The following CFAP61 variants were observed in gnomAD, a reference collection of about 807,000 sequenced individuals.
The protein encoded by CFAP61 is cilia and flagella associated protein 61, also known as cilia- and flagella-associated protein 61.
In CFAP61, 107 loss-of-function variants were observed where a neutral mutation model predicts 135.6. The observed-to-expected ratio is 0.79, with a 90% CI of 0.67 to 0.93. CFAP61 has a LOEUF of 0.93. Among genes scored for constraint, CFAP61 ranks in the 40% least tolerant of loss-of-function variants. The pLI is 0.00. For missense variants in CFAP61, 1,507 were observed against 1,556.2 expected, an observed-to-expected ratio of 0.97 and a Z score of 0.53; for synonymous variants, 575 against 578.5, an observed-to-expected ratio of 0.99 and a Z score of 0.09.
At chr20:20,160,144 T>C (rs2053275694) in intron 10 of CFAP61, among the ~76,000 whole-genome samples, 1 of 152,204 alleles carries the variant, frequency 6.6e-6, no homozygotes, top group Admixed American at 6.5e-5. Flanking sequence ...TTGTAGGCTT[T>C]TGAGTGGGAG....
At chr20:20,261,576 T>C (rs1339969342) in intron 20 of CFAP61, among the ~76,000 whole-genome samples, 1 of 152,190 alleles carries the variant, frequency 6.6e-6, no homozygotes, top group African/African-American at 2.4e-5. Flanking sequence ...AGGGACCAAG[T>C]GGTGGCCCAT....
At chr20:20,257,800 C>T (rs2051764542) in intron 20 of CFAP61, among the ~76,000 whole-genome samples, 1 of 151,798 alleles carries the variant, frequency 6.6e-6, no homozygotes, top group African/African-American at 2.4e-5. Flanking sequence ...CTAATAAAGA[C>T]CAAGAAGTTG....
intron 26 of CFAP61, among the ~76,000 whole-genome samples, chr20:20,353,008 CACTA>C (rs547660217): frequency 2.3e-4 from 35 of 152,264 alleles, no homozygotes; most frequent in African/African-American, 6.3e-4. Context: ...CTCACTAACT[CACTA>C]ACTAACAGGA....
At chr20:20,281,012 C>A (rs1200843772) in intron 22 of CFAP61, among the ~76,000 whole-genome samples, 1 of 151,968 alleles carries the variant, frequency 6.6e-6, no homozygotes, top group Admixed American at 6.6e-5. Flanking sequence ...TAGTATTTCT[C>A]CTTTTTGTGA....
At chr20:20,212,778 G>C (rs1186340779) in intron 17 of CFAP61, among the ~76,000 whole-genome samples, 1 of 152,192 alleles carries the variant, frequency 6.6e-6, no homozygotes, top group Non-Finnish European at 1.5e-5. Flanking sequence ...TCGCTGGTTA[G>C]GAGGCTTGGT....
intron 2 of CFAP61, among the ~76,000 whole-genome samples, chr20:20,057,918 A>G (rs906866157): frequency 1.3e-5 from 2 of 152,020 alleles, no homozygotes; most frequent in Non-Finnish European, 2.9e-5. Flanking sequence ...AGTAGAGACT[A>G]GGTTTCATCA....
At chr20:20,107,407 C>T (rs1464772844) in intron 8 of CFAP61, among the ~76,000 whole-genome samples, 1 of 152,108 alleles carries the variant, frequency 6.6e-6, no homozygotes, top group Non-Finnish European at 1.5e-5. Context: ...ATCTTGGAAG[C>T]ATCTTTGACA....
Position 20,188,010 on chromosome 20 carries a change from G to A in CFAP61, c.1466G>A (p.Ser489Asn). ...NLVSTLMLNK[S>N]ILEDLDRYNK... ...GTCAGCACCCTCATGTTGAATAAAA[G>A]CATATTGGAGGACTTAGACCGTTAC... The change falls in exon 14 of 27, where the codon AGC becomes AAC. Residue 489 changes from serine to asparagine, a missense_variant. Coordinates refer to ENST00000245957, the MANE Select transcript of CFAP61 (RefSeq NM_015585.4). The A allele has an allele frequency of 6.2e-7, 1 of 1,614,088 alleles. No individual in the cohort carries two copies. Among genetic ancestry groups the A allele is most frequent in the South Asian group, 1.1e-5 (1 of 91,082 alleles).
intron 18 of CFAP61, among the ~76,000 whole-genome samples, chr20:20,239,828 AGC>A (rs2049882426): frequency 6.6e-6 from 1 of 152,204 alleles, no homozygotes; most frequent in Non-Finnish European, 1.5e-5. Context: ...GGTTTCCAGT[AGC>A]TGTGTGGAAG....
intron 25 of CFAP61, among the ~76,000 whole-genome samples, chr20:20,310,571 C>G (rs1381655741): frequency 6.6e-6 from 1 of 152,164 alleles, no homozygotes; most frequent in Non-Finnish European, 1.5e-5. Flanking sequence ...AATATACTGC[C>G]AGTTATGGGT....
At chr20:20,167,248 G>A (rs994632230) in intron 12 of CFAP61, among the ~76,000 whole-genome samples, 4 of 152,150 alleles carry the variant, frequency 2.6e-5, no homozygotes, top group Non-Finnish European at 5.9e-5. Context: ...ACAACTATGT[G>A]ATGTTAGGTT....
chr20:20,055,864 A>G, intron 1 of CFAP61: 1 of 1,068,080 alleles, frequency 9.4e-7, no homozygotes, highest in Middle Eastern at 2.0e-4. Flanking sequence ...TTCCCTATGA[A>G]GGAAAGAAGG....
At chr20:20,357,284 GGTGGTCACACTGAGGGGAA>G (rs2059248449) in intron 26 of CFAP61, among the ~76,000 whole-genome samples, 1 of 28,864 alleles carries the variant, frequency 3.5e-5, no homozygotes, top group Admixed American at 1.9e-4. Context: ...ACTGAGAGGA[GGTGGTCACACTGAGGGGAA>G]GTGGTCACAC....
intron 8 of CFAP61, among the ~76,000 whole-genome samples, chr20:20,104,778 G>C (rs2048258755): frequency 6.6e-6 from 1 of 152,216 alleles, no homozygotes; most frequent in Non-Finnish European, 1.5e-5. Flanking sequence ...AGATGTTGGA[G>C]GGGTCAGTTT....
intron 9 of CFAP61, among the ~76,000 whole-genome samples, chr20:20,143,770 A>T (rs1478008557): frequency 6.6e-6 from 1 of 152,214 alleles, no homozygotes; most frequent in Non-Finnish European, 1.5e-5. Flanking sequence ...AGTCTGAAGG[A>T]CAGAGTACTA....
At chr20:20,089,182 G>T (rs73125634) in intron 6 of CFAP61, among the ~76,000 whole-genome samples, 36,593 of 152,126 alleles carry the variant, frequency 0.24, 4,901 homozygotes, top group Middle Eastern at 0.37. Flanking sequence ...GCTTAGCAGA[G>T]TGTGAAGGCA....
rs116773910 is a variant in CFAP61 at position 20,164,118 on chromosome 20, G to A, written c.1095G>A (p.Leu365=). 1.1e-5 allele frequency: 18 copies of A among 1,613,958 alleles called. No homozygotes were observed. The East Asian group carries it at 3.6e-4, about 32-fold the overall frequency. Residue 365 remains leucine, a synonymous_variant, in exon 11 of 27, where the codon TTG becomes TTA. Transcript: ENST00000245957. ...ATCACCATGTCAGCAGTAGGAGCTT[G>A]GCATCGCTCGTACTGCCTGAAGAGC... The part of the protein sequence containing the change: ...AQYHHVSSRS[L]ASLVLPEEPV...
At chr20:20,320,384 TAATATATATAATATATGTA>T (rs2057401925) in intron 25 of CFAP61, among the ~76,000 whole-genome samples, 11 of 16,100 alleles carry the variant, frequency 6.8e-4, no homozygotes, top group African/African-American at 3.6e-3. Context: ...TATATATATG[TAATATATATAATATATGTA>T]ATATATGTAA....
Position 20,070,851 on chromosome 20 carries a change from C to A in CFAP61, c.144-3C>A. On this transcript the variant is annotated splice_polypyrimidine_tract_variant and splice_region_variant and intron_variant, in intron 2 of 26. Coordinates refer to ENST00000245957, the MANE Select transcript of CFAP61 (RefSeq NM_015585.4). ...ATGTTTGCAATTGTAATCATTTCTG[C>A]AGAGAAAAGGCCAACCTTGCTGTTA... is the stretch of plus-strand genomic sequence containing the variant. 6.2e-7 allele frequency: 1 copy of A among 1,609,032 alleles called. No individual in the cohort carries two copies. The highest frequency in any genetic ancestry group is 8.5e-7 in the Non-Finnish European group (1 of 1,178,154).
Sources: allele counts gnomAD v4.1 joint callset (sites outside exome capture counted in the v4.1 genomes callset), GRCh38; gene constraint gnomAD v4.1.1; transcripts MANE v1.5; gene names NCBI Gene and HGNC (gene_info 2026-07-23, HGNC 2026-07-21).